Variants in PCDHGA7 observed in about 807,000 individuals in gnomAD.
PCDHGA7 encodes protocadherin gamma-A7.
In PCDHGA7, 44 loss-of-function variants were observed where a neutral mutation model predicts 58.3. That is an observed-to-expected ratio of 0.75 (90% CI 0.59 to 0.97). The LOEUF is 0.97. Among genes scored for constraint, PCDHGA7 ranks in the 50% least tolerant of loss-of-function variants. PCDHGA7 has a pLI of 0.00. For synonymous variants in PCDHGA7, 516 were observed against 504.2 expected (o/e 1.02, Z -0.31); for missense variants, 1,266 against 1,188.7 (o/e 1.06, Z -0.96).
intron 1 of PCDHGA7, among the ~76,000 whole-genome samples, chr5:141,488,398 A>T (rs2099675065): frequency 6.6e-6 from 1 of 152,192 alleles, no homozygotes; most frequent in African/African-American, 2.4e-5. Flanking sequence ...GAAACCATGA[A>T]ACCTAGAAGC....
chr5:141,495,853 C>T (rs1254274145), intron 2 of PCDHGA7, among the ~76,000 whole-genome samples: 1 of 152,136 alleles, frequency 6.6e-6, no homozygotes, highest in African/African-American at 2.4e-5. Context: ...TTCTCTGTCT[C>T]TCACTATTTC....
At position 141,489,947 on chromosome 5, in the gene PCDHGA7, A is replaced by G. The variant is rs368977481; in HGVS notation, c.2425-4860A>G. The G allele has an allele frequency of 5.4e-5, 87 of 1,614,090 alleles. No individual in the cohort carries two copies. Among genetic ancestry groups the G allele is most frequent in the South Asian group, 6.6e-5 (6 of 91,094 alleles). ...ATCTCTGTCATCGTGCTGGACATCA[A>G]TGATAATGCTCCAACCTTCCAATCC... On this transcript the variant is annotated intron_variant, in intron 1 of 3. Transcript: ENST00000518325. This position sits in a 1 kb window ranked among gnomAD's most constrained non-coding sequence, Gnocchi z 4.5.
chr5:141,421,219 G>C (rs894586889), intron 1 of PCDHGA7: 1 of 1,573,208 alleles, frequency 6.4e-7, no homozygotes. Context: ...TATCGGCTTA[G>C]AGCCTGCCAT....
Position 141,491,995 on chromosome 5 carries a change from G to C in PCDHGA7, c.2425-2812G>C, listed in dbSNP as rs76332593. On this transcript the variant is annotated intron_variant, in intron 1 of 3. Transcript: ENST00000518325. The surrounding 1 kb of genome is among the most constrained non-coding windows in gnomAD (Gnocchi z 6.9). ...CTCCTTCGAGCTTCCGGTGAATTTC[G>C]GGCGATTTCCGCGGGTGTCGGGGGT... is the stretch of plus-strand genomic sequence containing the variant. 0.033 allele frequency: 22,941 copies of C among 696,644 alleles called. 426 individuals carry two copies. The highest frequency in any genetic ancestry group is 0.093 in the Middle Eastern group (249 of 2,666). The allele number at this position is 696,644 out of a possible 1,614,324, so 43.2% of individuals were successfully genotyped here. A position where few individuals can be genotyped will look rare whatever the true frequency, so the allele number is the denominator to read the frequency against.
chr5:141,393,115 GGT>G (rs1236382706), intron 1 of PCDHGA7: 1 of 1,613,438 alleles, frequency 6.2e-7, no homozygotes, highest in Non-Finnish European at 8.5e-7. Flanking sequence ...CAGAGCCCGC[GGT>G]GTCTGATAAA....
chr5:141,399,751 G>C, intron 1 of PCDHGA7: 1 of 1,613,322 alleles, frequency 6.2e-7, no homozygotes, highest in South Asian at 1.1e-5. Context: ...CAGCGCAAAC[G>C]TGAGCCTGCG....
At chr5:141,427,803 G>A (rs781324396) in intron 1 of PCDHGA7, 2 of 1,511,804 alleles carry the variant, frequency 1.3e-6, no homozygotes, top group Admixed American at 1.7e-5. Context: ...GTCCGTGAGC[G>A]CACAGAGCGG....
chr5:141,426,882 C>T, intron 1 of PCDHGA7: 1 of 456,664 alleles, frequency 2.2e-6, no homozygotes, highest in South Asian at 1.5e-5. Flanking sequence ...GCCCCTGGGC[C>T]AGGAGCAACA....
chr5:141,408,295 G>A (rs1185231517), intron 1 of PCDHGA7: 8 of 1,613,700 alleles, frequency 5.0e-6, no homozygotes, highest in East Asian at 2.2e-5. Flanking sequence ...CCCTGAGTGA[G>A]CCGATCCGCT....
At chr5:141,388,742 G>C (rs1340234849) in intron 1 of PCDHGA7, 1 of 1,613,886 alleles carries the variant, frequency 6.2e-7, no homozygotes, top group Non-Finnish European at 8.5e-7. Context: ...AAGCTAGCCA[G>C]ATCACCCAAT....
chr5:141,418,036 G>T, intron 1 of PCDHGA7: 1 of 1,614,020 alleles, frequency 6.2e-7, no homozygotes, highest in Non-Finnish European at 8.5e-7. Context: ...TTAGTGTCCT[G>T]GATGTGTCGG....
chr5:141,415,020 C>T, intron 1 of PCDHGA7: 2 of 1,613,560 alleles, frequency 1.2e-6, no homozygotes, highest in Non-Finnish European at 1.7e-6. Context: ...TGCTCAAGGC[C>T]AGCGAGCCGG....
At position 141,383,807 on chromosome 5, in the gene PCDHGA7, C is replaced by T; in HGVS notation, c.908C>T (p.Thr303Ile). ...AACTCGCTTACAGGAGAAATATCAA[C>T]TTTAGAAGGATTAGATTATGAAGAA... ...HLNSLTGEISTLEGLDYEETA... is the reference protein window; with the variant it reads ...HLNSLTGEISILEGLDYEETA... The change falls in exon 1 of 4, where the codon ACT becomes ATT. Residue 303 changes from threonine to isoleucine, a missense_variant. Physicochemically the swap from Thr to Ile is moderately conservative, Grantham distance 89. Coordinates refer to ENST00000518325, the MANE Select transcript of PCDHGA7 (RefSeq NM_018920.4). 4.3e-6 allele frequency: 7 copies of T among 1,613,926 alleles called. No homozygotes were observed. The highest frequency in any genetic ancestry group is 5.9e-6 in the Non-Finnish European group (7 of 1,179,858).
chr5:141,455,817 A>G (rs1251279680), intron 1 of PCDHGA7, among the ~76,000 whole-genome samples: 3 of 151,882 alleles, frequency 2.0e-5, no homozygotes, highest in Non-Finnish European at 4.4e-5. Flanking sequence ...AAAACTTCCC[A>G]AGGACCCCTT....
At position 141,485,541 on chromosome 5, in the gene PCDHGA7, T is replaced by A; in HGVS notation, c.2425-9266T>A. 2 of 1,613,902 alleles carry A rather than the reference T, an allele frequency of 1.2e-6. No homozygotes were observed. Among genetic ancestry groups the A allele is most frequent in the Non-Finnish European group, 1.7e-6 (2 of 1,179,958 alleles). ...GAAATGTACCGAGCAGAGGTAGAGATCGTAGATGTGAATGATCACGCCCCC... is the reference window on the plus strand; with the variant it reads ...GAAATGTACCGAGCAGAGGTAGAGAACGTAGATGTGAATGATCACGCCCCC... On this transcript the variant is annotated intron_variant, in intron 1 of 3. Coordinates refer to ENST00000518325, the MANE Select transcript of PCDHGA7 (RefSeq NM_018920.4). The surrounding 1 kb of genome is among the most constrained non-coding windows in gnomAD (Gnocchi z 5.7).
intron 1 of PCDHGA7, chr5:141,391,745 C>T (rs1371260062): frequency 6.6e-6 from 1 of 152,116 alleles, no homozygotes; most frequent in African/African-American, 2.4e-5. Flanking sequence ...CATACTTATC[C>T]TTTGGCTTCT....
rs746311453 is a variant in PCDHGA7 at position 141,428,229 on chromosome 5, C to T, written c.2424+42906C>T. On this transcript the variant is annotated intron_variant, in intron 1 of 3. Coordinates refer to ENST00000518325, the MANE Select transcript of PCDHGA7 (RefSeq NM_018920.4). ...CGCTTCACCTAGTCTTCGCAGACAGCCTGCAGGAGGCACTGCCAGACTTCA... is the reference window on the plus strand; with the variant it reads ...CGCTTCACCTAGTCTTCGCAGACAGTCTGCAGGAGGCACTGCCAGACTTCA... 3 of 1,098,554 alleles carry T rather than the reference C, an allele frequency of 2.7e-6. No homozygotes were observed. In the South Asian group the frequency reaches 3.9e-5, roughly 14 times the overall value. The allele number at this position is 1,098,554 out of a possible 1,614,324, so 68.1% of individuals were successfully genotyped here.
chr5:141,389,355 G>A, intron 1 of PCDHGA7: 3 of 1,613,950 alleles, frequency 1.9e-6, no homozygotes, highest in Non-Finnish European at 1.7e-6. Flanking sequence ...CTGCATCATG[G>A]CCAGTGACCT....
chr5:141,423,170 A>G, intron 1 of PCDHGA7: 8 of 1,613,504 alleles, frequency 5.0e-6, no homozygotes, highest in Non-Finnish European at 6.8e-6. Context: ...GTGGCCGTCC[A>G]GGACCACGGC....
Sources: allele counts gnomAD v4.1 joint callset (sites outside exome capture counted in the v4.1 genomes callset), GRCh38; gene constraint gnomAD v4.1.1; non-coding constraint Gnocchi (gnomAD v3.1); transcripts MANE v1.5; gene names NCBI Gene and HGNC (gene_info 2026-07-23, HGNC 2026-07-21).